STK3: variants seen among roughly 807,000 people sequenced by gnomAD.
STK3 encodes serine/threonine kinase 3, also known as serine/threonine-protein kinase 3.
Under a neutral mutation model 58.0 loss-of-function variants are expected in STK3, and 41 were observed. The ratio of observed to expected loss-of-function variants is 0.71; its 90% CI spans 0.55 to 0.92. STK3 has a LOEUF of 0.92. Ranked by LOEUF, STK3 falls within the 40% of genes least tolerant of loss-of-function variation. STK3 has a pLI of 0.00. For missense variants in STK3, 479 were observed against 602.7 expected, an observed-to-expected ratio of 0.79 and a Z score of 2.15; for synonymous variants, 170 against 191.0, an observed-to-expected ratio of 0.89 and a Z score of 0.91.
chr8:98,403,458 T>C (rs1234131640), intron 3 of STK3, among the ~76,000 whole-genome samples: 1 of 152,198 alleles, frequency 6.6e-6, no homozygotes, highest in Non-Finnish European at 1.5e-5. Flanking sequence ...GAAAGATCAT[T>C]GTCAAGCCAG....
chr8:98,595,414 C>T (rs570223473), intron 7 of STK3: 1 of 151,738 alleles, frequency 6.6e-6, no homozygotes, highest in East Asian at 1.9e-4. Flanking sequence ...CAATAGAAAT[C>T]ATTTAGCAAA....
intron 10 of STK3, among the ~76,000 whole-genome samples, chr8:98,472,921 C>T (rs1267054967): frequency 6.6e-6 from 1 of 151,874 alleles, no homozygotes; most frequent in Non-Finnish European, 1.5e-5. Context: ...ATCATAAAAT[C>T]CAGAATTAGG....
chr8:98,435,210 C>T (rs1199255934), intron 2 of STK3, among the ~76,000 whole-genome samples: 5 of 152,232 alleles, frequency 3.3e-5, no homozygotes, highest in African/African-American at 1.2e-4. Context: ...CTCCAGGAGC[C>T]AGCCAGACAG....
chr8:98,598,143 G>T (rs886426468), intron 6 of STK3: 2 of 985,112 alleles, frequency 2.0e-6, no homozygotes, highest in African/African-American at 3.5e-5. Flanking sequence ...GATAAATATT[G>T]TTCATCTGCA....
At chr8:98,540,238 A>G (rs902440597) in intron 9 of STK3, among the ~76,000 whole-genome samples, 8 of 152,190 alleles carry the variant, frequency 5.3e-5, no homozygotes. Context: ...TGTTCTAAAA[A>G]GTGGTTATCT....
chr8:98,347,807 A>G, the STK3 span, among the ~76,000 whole-genome samples: 3 of 152,178 alleles, frequency 2.0e-5, no homozygotes, highest in Admixed American at 6.5e-5. Context: ...TGATAGAAAG[A>G]CAAAGTCTTG....
At chr8:98,737,299 A>C (rs1302929273) in intron 4 of STK3, among the ~76,000 whole-genome samples, 1 of 152,208 alleles carries the variant, frequency 6.6e-6, no homozygotes, top group Non-Finnish European at 1.5e-5. Context: ...GATGCAAGCA[A>C]ATGAGTAAAC....
At chr8:98,515,721 A>G (rs773896894) in intron 10 of STK3, among the ~76,000 whole-genome samples, 1 of 151,072 alleles carries the variant, frequency 6.6e-6, no homozygotes, top group Non-Finnish European at 1.5e-5. Flanking sequence ...ACTGAACTTA[A>G]TCTCTCCAGG....
intron 8 of STK3, among the ~76,000 whole-genome samples, chr8:98,569,443 G>A (rs575350986): frequency 8.8e-4 from 133 of 151,784 alleles, no homozygotes; most frequent in African/African-American, 2.9e-3. Context: ...AATTAGTTCC[G>A]ATTAGTAAAG....
intron 7 of STK3, among the ~76,000 whole-genome samples, chr8:98,589,927 G>C (rs1243194455): frequency 6.6e-6 from 1 of 152,118 alleles, no homozygotes; most frequent in African/African-American, 2.4e-5. Flanking sequence ...TGCACTTCCC[G>C]AGTGAGGCAA....
chr8:98,940,135 C>G (rs933551894), intron 1 of STK3, among the ~76,000 whole-genome samples: 1 of 152,064 alleles, frequency 6.6e-6, no homozygotes, highest in Non-Finnish European at 1.5e-5. Flanking sequence ...CTCCTACCCC[C>G]TCGGCGTGCG....
intron 6 of STK3, among the ~76,000 whole-genome samples, chr8:98,613,059 C>T (rs1471411660): frequency 6.6e-6 from 1 of 152,044 alleles, no homozygotes; most frequent in Non-Finnish European, 1.5e-5. Flanking sequence ...ATTAGGTAAG[C>T]ACCAATACAA....
chr8:98,889,275 C>T (rs1248300967), intron 1 of STK3, among the ~76,000 whole-genome samples: 1 of 152,162 alleles, frequency 6.6e-6, no homozygotes, highest in African/African-American at 2.4e-5. Context: ...AATGCATGGG[C>T]TTTTACAGAG....
At chr8:98,751,969 A>G (rs1830015814) in intron 3 of STK3, among the ~76,000 whole-genome samples, 2 of 151,888 alleles carry the variant, frequency 1.3e-5, no homozygotes, top group South Asian at 4.1e-4. Context: ...ATAAAAAAAT[A>G]ATATATAAAC....
intron 1 of STK3, among the ~76,000 whole-genome samples, chr8:98,915,965 A>C (rs1342736287): frequency 6.6e-6 from 1 of 152,222 alleles, no homozygotes; most frequent in Admixed American, 6.5e-5. Flanking sequence ...CCTACAAAGC[A>C]GTAGCAGATT....
rs564139100 is a variant in STK3 at position 98,848,866 on chromosome 8, G to A, written c.110+34781C>T. On this transcript the variant is annotated intron_variant, in intron 3 of 12. Transcript: ENST00000523601. ...TGCATTTCTTGTGGAATACCTAGGA[G>A]TGGAATTGCTGAGCCATATGCCAAT... Among the ~76,000 whole-genome samples the A allele has an allele frequency of 1.1e-4, 16 of 152,294 alleles. 1 individual carries two copies. The South Asian group carries it at 3.3e-3, about 32-fold the overall frequency.
intron 3 of STK3, among the ~76,000 whole-genome samples, chr8:98,845,860 T>A (rs930764865): frequency 6.6e-6 from 1 of 152,202 alleles, no homozygotes; most frequent in South Asian, 2.1e-4. Flanking sequence ...TGGAGCTACA[T>A]TGAAATCTAC....
intron 3 of STK3, among the ~76,000 whole-genome samples, chr8:98,757,983 A>G (rs1184221696): frequency 6.6e-6 from 1 of 152,260 alleles, no homozygotes; most frequent in African/African-American, 2.4e-5. Flanking sequence ...ATGTTCTAAC[A>G]TCTGTTTTTA....
chr8:98,930,316 C>T (rs1052774763), intron 1 of STK3, among the ~76,000 whole-genome samples: 2 of 152,160 alleles, frequency 1.3e-5, no homozygotes, highest in Non-Finnish European at 2.9e-5. Context: ...CAGCTGCCGC[C>T]CCAGGCCCCC....
Sources: allele counts gnomAD v4.1 joint callset (sites outside exome capture counted in the v4.1 genomes callset), GRCh38; gene constraint gnomAD v4.1.1; transcripts MANE v1.5; gene names NCBI Gene and HGNC (gene_info 2026-07-23, HGNC 2026-07-21).